DCT: variants seen among roughly 807,000 people sequenced by gnomAD.
DCT encodes L-dopachrome tautomerase.
Under a neutral mutation model 53.0 loss-of-function variants are expected in DCT, and 47 were observed. The ratio of observed to expected loss-of-function variants is 0.89; its 90% CI spans 0.70 to 1.13. The LOEUF (loss-of-function observed/expected upper bound fraction) is 1.13, where lower values mean the gene tolerates loss of function less well. Ranked by LOEUF, DCT falls within the 50% of genes most tolerant of loss-of-function variation. DCT has a pLI of 0.00. For synonymous variants in DCT, 244 were observed against 237.0 expected (o/e 1.03, Z -0.27); for missense variants, 669 against 637.4 (o/e 1.05, Z -0.53).
chr13:94,532,782 T>C, the DCT span, among the ~76,000 whole-genome samples: 1 of 152,132 alleles, frequency 6.6e-6, no homozygotes, highest in Non-Finnish European at 1.5e-5. Flanking sequence ...ACTTAAAGTA[T>C]AATAAAAAAT....
At chr13:94,494,774 T>C in the DCT span, among the ~76,000 whole-genome samples, 10 of 152,154 alleles carry the variant, frequency 6.6e-5, no homozygotes. Flanking sequence ...TATTTATACA[T>C]TTAATCTTTA....
In DCT at chr13:94,479,531, G is replaced by T. The variant is rs1885345945; in HGVS notation, c.-276C>A. On this transcript the variant is annotated 5_prime_UTR_variant, in exon 1 of 8. Transcript: ENST00000377028. ...CCTCTAACAACCAAATTTAATGAGG[G>T]TAGCGCTTCTCACCATCTTCCCCCG... 5.2e-5 allele frequency: 18 copies of T among 348,380 alleles called. No individual in the cohort carries two copies. In the South Asian group the frequency reaches 1.0e-3, roughly 20 times the overall value. 21.6% of individuals were successfully genotyped at this position (348,380 alleles called of 1,614,324 possible).
the DCT span, among the ~76,000 whole-genome samples, chr13:94,488,735 C>T: frequency 1.8e-3 from 88 of 49,514 alleles, 2 homozygotes; most frequent in African/African-American, 6.0e-3. Flanking sequence ...CACACACACA[C>T]ACACACACAC....
At chr13:94,489,813 A>G in the DCT span, among the ~76,000 whole-genome samples, 12,720 of 152,176 alleles carry the variant, frequency 0.084, 703 homozygotes, top group Non-Finnish European at 0.13. Context: ...TCTAATTATA[A>G]GTACTTCTAA....
chr13:94,507,200 C>A, the DCT span, among the ~76,000 whole-genome samples: 1,834 of 152,230 alleles, frequency 0.012, 42 homozygotes, highest in African/African-American at 0.041. Flanking sequence ...ATCATTGTAT[C>A]AATGCTAATT....
At chr13:94,509,726 T>C in the DCT span, among the ~76,000 whole-genome samples, 2 of 152,170 alleles carry the variant, frequency 1.3e-5, no homozygotes, top group Admixed American at 6.5e-5. Flanking sequence ...GGAATCATAA[T>C]AGCACCCATC....
chr13:94,526,317 C>T, the DCT span, among the ~76,000 whole-genome samples: 1 of 152,192 alleles, frequency 6.6e-6, no homozygotes, highest in Non-Finnish European at 1.5e-5. Context: ...AGATTAAAGA[C>T]ATTAAAAATC....
chr13:94,495,126 T>G, the DCT span, among the ~76,000 whole-genome samples: 3 of 152,216 alleles, frequency 2.0e-5, no homozygotes, highest in Non-Finnish European at 4.4e-5. Flanking sequence ...AAACAGGGTC[T>G]GGCTCTGTCA....
the DCT span, among the ~76,000 whole-genome samples, chr13:94,517,264 C>G: frequency 6.6e-6 from 1 of 152,252 alleles, no homozygotes; most frequent in East Asian, 1.9e-4. Flanking sequence ...GACAATTAAC[C>G]TCAACAATTT....
chr13:94,487,326 A>T, the DCT span, among the ~76,000 whole-genome samples: 1 of 152,228 alleles, frequency 6.6e-6, no homozygotes, highest in Non-Finnish European at 1.5e-5. Flanking sequence ...CTCTCTTTTT[A>T]CAGCTGAGGC....
chr13:94,520,203 T>C, the DCT span, among the ~76,000 whole-genome samples: 12 of 152,158 alleles, frequency 7.9e-5, no homozygotes, highest in Admixed American at 7.9e-4. Flanking sequence ...GCTGCAGGAA[T>C]AAAAGGAAAA....
chr13:94,514,470 A>G, the DCT span, among the ~76,000 whole-genome samples: 1 of 152,238 alleles, frequency 6.6e-6, no homozygotes, highest in Admixed American at 6.5e-5. Flanking sequence ...CAAAGTGAGC[A>G]GCCTTGGCTG....
intron 7 of DCT, among the ~76,000 whole-genome samples, chr13:94,441,756 A>C (rs1485723225): frequency 6.6e-6 from 1 of 152,210 alleles, no homozygotes; most frequent in African/African-American, 2.4e-5. Context: ...ACTAACAGAC[A>C]CTTGGTTTGC....
chr13:94,457,477 C>A (rs774089252), intron 6 of DCT, among the ~76,000 whole-genome samples: 9 of 152,192 alleles, frequency 5.9e-5, no homozygotes, highest in Non-Finnish European at 1.2e-4. Flanking sequence ...GCCTCTAGAA[C>A]TGTGGGATAT....
chr13:94,521,691 A>T, the DCT span, among the ~76,000 whole-genome samples: 2 of 135,608 alleles, frequency 1.5e-5, no homozygotes, highest in Non-Finnish European at 3.2e-5. Context: ...AAACAAAAAC[A>T]AACAAAAAAA....
the DCT span, among the ~76,000 whole-genome samples, chr13:94,514,663 G>A: frequency 6.6e-6 from 1 of 152,222 alleles, no homozygotes; most frequent in African/African-American, 2.4e-5. Flanking sequence ...AGGCAGGGAT[G>A]TGAGAAAGGC....
Position 94,438,910 on chromosome 13 carries a change from T to C in DCT, c.*988A>G, listed in dbSNP as rs1882077070. 1 of 217,790 alleles carries C rather than the reference T, an allele frequency of 4.6e-6. No homozygotes were observed. Among genetic ancestry groups the C allele is most frequent in the Admixed American group, 5.7e-5 (1 of 17,500 alleles). The allele number at this position is 217,790 out of a possible 1,614,324, so 13.5% of individuals were successfully genotyped here. ...GCTTAAAAATAAGCCCAGTGCATTA[T>C]GTGGGAATAATTTTTCATCTGAGGC... On this transcript the variant is annotated 3_prime_UTR_variant, in exon 8 of 8. Transcript: ENST00000377028.
chr13:94,541,504 CA>C, the DCT span, among the ~76,000 whole-genome samples: 56,179 of 129,320 alleles, frequency 0.43, 10,768 homozygotes, highest in East Asian at 0.64. Flanking sequence ...AACCCTGTCT[CA>C]AAAAAAAAAG....
chr13:94,496,763 C>A, the DCT span, among the ~76,000 whole-genome samples: 1 of 152,166 alleles, frequency 6.6e-6, no homozygotes. Flanking sequence ...TGCACAACAG[C>A]AGGCTGCAAC....
Sources: allele counts gnomAD v4.1 joint callset (sites outside exome capture counted in the v4.1 genomes callset), GRCh38; gene constraint gnomAD v4.1.1; transcripts MANE v1.5; gene names NCBI Gene and HGNC (gene_info 2026-07-23, HGNC 2026-07-21).